Variants in GPR180 observed in about 807,000 individuals in gnomAD.
GPR180 encodes integral membrane protein GPR180.
GPR180 carries 53 observed loss-of-function variants against 52.6 expected under a neutral mutation model. The ratio of observed to expected loss-of-function variants is 1.01; its 90% CI spans 0.81 to 1.27. GPR180 has a LOEUF of 1.27. Among genes scored for constraint, GPR180 ranks in the 50% most tolerant of loss-of-function variants. GPR180 has a pLI of 0.00. For synonymous variants in GPR180, 200 were observed against 193.1 expected, an observed-to-expected ratio of 1.04 and a Z score of -0.30; for missense variants, 533 against 527.0, an observed-to-expected ratio of 1.01 and a Z score of -0.11.
At position 94,601,897 on chromosome 13, in the gene GPR180, C is replaced by T. The variant is rs1594468554; in HGVS notation, c.-31C>T. 1 of 1,375,892 alleles carries T rather than the reference C, an allele frequency of 7.3e-7. No individual in the cohort carries two copies. Among genetic ancestry groups the T allele is most frequent in the Non-Finnish European group, 9.4e-7 (1 of 1,064,032 alleles). The allele number at this position is 1,375,892 out of a possible 1,614,324, so 85.2% of individuals were successfully genotyped here. A position where few individuals can be genotyped will look rare whatever the true frequency, so the allele number is the denominator to read the frequency against. On this transcript the variant is annotated 5_prime_UTR_variant, in exon 1 of 9. Coordinates refer to ENST00000376958, the MANE Select transcript of GPR180 (RefSeq NM_180989.6). Reference sequence around the variant, plus strand: ...GCGGGCAGCCGCCGGCGGCTGGGAGCCGAGGCGTCGGTGCAGACCTGGAGA... The same window carrying T: ...GCGGGCAGCCGCCGGCGGCTGGGAGTCGAGGCGTCGGTGCAGACCTGGAGA...
Position 94,630,173 on chromosome 13 carries a change from G to A in GPR180, c.*3002G>A, listed in dbSNP as rs1464499451. The A allele has an allele frequency of 6.6e-6, 1 of 152,226 alleles. No homozygotes were observed. Among genetic ancestry groups the A allele is most frequent in the African/African-American group, 2.4e-5 (1 of 41,466 alleles). The allele number at this position is 152,226 out of a possible 1,614,324, so 9.4% of individuals were successfully genotyped here. A position where few individuals can be genotyped will look rare whatever the true frequency, so the allele number is the denominator to read the frequency against. On this transcript the variant is annotated 3_prime_UTR_variant, in exon 9 of 9. Coordinates refer to ENST00000376958, the MANE Select transcript of GPR180 (RefSeq NM_180989.6). ...GGTTTTCCTCTGTGATCTGAAAGTA[G>A]TGTGGTAGAAGCACCGTAGCTTGAT... is the stretch of plus-strand genomic sequence containing the variant.
chr13:94,605,296 A>C lies in GPR180; in HGVS notation c.146-95A>C, dbSNP rs903129278. 64 of 1,122,554 alleles carry C rather than the reference A, an allele frequency of 5.7e-5. No homozygotes were observed. In the South Asian group the frequency reaches 6.3e-4, roughly 11 times the overall value. 69.5% of individuals were successfully genotyped at this position (1,122,554 alleles called of 1,614,324 possible). ...GATTTAAGAAGAATTGTGCTTTTTA[A>C]ATTTCCATTTTGGTAAGTAGAGGTG... On this transcript the variant is annotated intron_variant, in intron 1 of 8. Coordinates refer to ENST00000376958, the MANE Select transcript of GPR180 (RefSeq NM_180989.6).
At position 94,621,110 on chromosome 13, in the gene GPR180, T is replaced by C. The variant is rs1252134606; in HGVS notation, c.769T>C (p.Tyr257His). The C allele has an allele frequency of 8.1e-6, 13 of 1,610,666 alleles. No individual in the cohort carries two copies. Among genetic ancestry groups the C allele is most frequent in the Non-Finnish European group, 1.1e-5 (13 of 1,179,354 alleles). ...CATCGCTTCCCAAATTCAGATGTTA[T>C]ACTTACTTTTGAGTCTATGCATGGG... The part of the protein sequence containing the change: ...FDIASQIQML[Y>H]LLLSLCMGWT... Residue 257 changes from tyrosine to histidine, a missense_variant, in exon 6 of 9, where the codon TAC becomes CAC. Tyr to His is a moderately conservative substitution (Grantham distance 83, BLOSUM62 2). Coordinates refer to ENST00000376958, the MANE Select transcript of GPR180 (RefSeq NM_180989.6).
chr13:94,621,345 T>G (rs1238614172), intron 6 of GPR180, 110 bp downstream of exon 6: 1 of 856,232 alleles, frequency 1.2e-6, no homozygotes, highest in Non-Finnish European at 1.7e-6. Flanking sequence ...TGTGTCATTT[T>G]TTTTTTCTTG....
chr13:94,617,746 C>T (rs1254069533), intron 3 of GPR180, among the ~76,000 whole-genome samples: 4 of 151,974 alleles, frequency 2.6e-5, no homozygotes, highest in Non-Finnish European at 4.4e-5. Context: ...GGAGTTTACC[C>T]GAATGGGAAA....
intron 5 of GPR180, 152 bp from the exon 6 acceptor site, chr13:94,620,926 C>T (rs555089285): frequency 3.4e-5 from 21 of 610,342 alleles, no homozygotes; most frequent in Middle Eastern, 4.5e-4. Flanking sequence ...TTATTACCTG[C>T]GAATATCTCT....
chr13:94,602,117 C>CCCGCCGGCTGGGT (rs1177985968), intron 1 of GPR180, 45 bp downstream of exon 1: 2 of 1,278,576 alleles, frequency 1.6e-6, no homozygotes, highest in African/African-American at 3.1e-5. Context: ...GCTGGCCCAT[C>CCCGCCGGCTGGGT]CCGCCGGCTG....
At chr13:94,619,839 C>T (rs1889830222) in intron 5 of GPR180, among the ~76,000 whole-genome samples, 1 of 152,138 alleles carries the variant, frequency 6.6e-6, no homozygotes, top group Non-Finnish European at 1.5e-5. Context: ...TGCCTCAGGC[C>T]TTCCCAGTAG....
rs4417425 is a variant in GPR180, at chr13:94,630,280, T to C, written c.*3109T>C. ...CACAGCTCCAGGGGCATCATATGTG[T>C]TGTGCTGTAGGAGTGCCATGAAGCC... On this transcript the variant is annotated 3_prime_UTR_variant, in exon 9 of 9. Transcript: ENST00000376958. The C allele has an allele frequency of 0.36, 53,988 of 152,018 alleles. 11,379 individuals are homozygous for C. The highest frequency in any genetic ancestry group is 0.58 in the African/African-American group (23,905 of 41,444). The allele number at this position is 152,018 out of a possible 1,614,324, so 9.4% of individuals were successfully genotyped here. A position where few individuals can be genotyped will look rare whatever the true frequency, so the allele number is the denominator to read the frequency against.
intron 1 of GPR180, among the ~76,000 whole-genome samples, chr13:94,604,968 T>G (rs1889610777): frequency 6.6e-6 from 1 of 152,172 alleles, no homozygotes; most frequent in Non-Finnish European, 1.5e-5. Context: ...TTTCCTGCTA[T>G]TAGCTATGTT....
rs565290535 is a variant in GPR180, at chr13:94,623,285, C to T, written c.1071C>T (p.Tyr357=). The T allele has an allele frequency of 1.9e-6, 3 of 1,611,478 alleles. No individual in the cohort carries two copies. The highest frequency in any genetic ancestry group is 2.5e-6 in the Non-Finnish European group (3 of 1,178,444). Residue 357 remains tyrosine, a synonymous_variant, in exon 7 of 9, where the codon TAC becomes TAT. Coordinates refer to ENST00000376958, the MANE Select transcript of GPR180 (RefSeq NM_180989.6). ...VERSTLKREF[Y]ITFAKGCILW... is the part of the protein sequence containing the mutation. ...GAAGTACACTCAAAAGGGAGTTCTA[C>T]ATCACATTTGCCAAAGTATGGGTTT...
At chr13:94,602,108 C>G in intron 1 of GPR180, 36 bp downstream of exon 1, 2 of 1,287,790 alleles carry the variant, frequency 1.6e-6, no homozygotes, top group Admixed American at 4.0e-5. Context: ...TGAAGGCGCG[C>G]TGGCCCATCC....
At chr13:94,618,170 C>T (rs1250107595) in intron 3 of GPR180, among the ~76,000 whole-genome samples, 1 of 152,172 alleles carries the variant, frequency 6.6e-6, no homozygotes, top group Non-Finnish European at 1.5e-5. Context: ...TTTCTACTCC[C>T]TCAAAACTTT....
At position 94,632,552 on chromosome 13, in the gene GPR180, A is replaced by C. The variant is rs917728846; in HGVS notation, c.*5381A>C. On this transcript the variant is annotated 3_prime_UTR_variant, in exon 9 of 9. Transcript: ENST00000376958. ...CTGTTACTGCACGTTGTTGGTTTTC[A>C]GTCTTGCTAATACAGACAAGGCTGA... 6.6e-6 allele frequency: 1 copy of C among 152,194 alleles called. No individual in the cohort carries two copies. Among genetic ancestry groups the C allele is most frequent in the African/African-American group, 2.4e-5 (1 of 41,448 alleles). The allele number at this position is 152,194 out of a possible 1,614,324, so 9.4% of individuals were successfully genotyped here.
intron 1 of GPR180, 109 bp downstream of exon 1, chr13:94,602,181 G>T: frequency 1.9e-6 from 2 of 1,059,920 alleles, no homozygotes; most frequent in Non-Finnish European, 1.2e-6. Context: ...CGAGGCCGGC[G>T]ACTTCCCCAG....
chr13:94,606,342 T>C (rs765991013), intron 2 of GPR180, among the ~76,000 whole-genome samples: 28 of 152,220 alleles, frequency 1.8e-4, no homozygotes, highest in Non-Finnish European at 3.2e-4. Flanking sequence ...TTTGTATACT[T>C]CTGGATTTGC....
intron 3 of GPR180, among the ~76,000 whole-genome samples, chr13:94,618,064 G>A (rs912603252): frequency 2.0e-5 from 3 of 152,188 alleles, no homozygotes; most frequent in African/African-American, 7.2e-5. Flanking sequence ...GCTGCTAGTA[G>A]GCACTAGAGG....
At chr13:94,624,589 G>A (rs1433640933) in intron 7 of GPR180, among the ~76,000 whole-genome samples, 2 of 152,192 alleles carry the variant, frequency 1.3e-5, no homozygotes, top group Non-Finnish European at 2.9e-5. Context: ...ACGGTGTCTC[G>A]CTCTATCGCC....
At chr13:94,608,458 A>C (rs1184075616) in intron 2 of GPR180, among the ~76,000 whole-genome samples, 2 of 152,208 alleles carry the variant, frequency 1.3e-5, no homozygotes, top group African/African-American at 2.4e-5. Flanking sequence ...AACAGGTAAC[A>C]GGAATTTTAG....
Sources: allele counts gnomAD v4.1 joint callset (sites outside exome capture counted in the v4.1 genomes callset), GRCh38; gene constraint gnomAD v4.1.1; transcripts MANE v1.5; gene names NCBI Gene and HGNC (gene_info 2026-07-23, HGNC 2026-07-21).